The following NUTM1 variants were observed in gnomAD, a reference collection of about 807,000 sequenced individuals.
The protein encoded by NUTM1 is NUT midline carcinoma family member 1, also known as NUT family member 1.
Under a neutral mutation model 88.7 loss-of-function variants are expected in NUTM1, and 39 were observed. The observed-to-expected ratio is 0.44, with a 90% CI of 0.34 to 0.57. The LOEUF (loss-of-function observed/expected upper bound fraction) is 0.57, where lower values mean the gene tolerates loss of function less well. NUTM1 is among the 20% of genes least tolerant of loss of function. NUTM1 has a pLI of 0.01. For synonymous variants in NUTM1, 494 were observed against 538.0 expected (o/e 0.92, Z 1.13); for missense variants, 1,350 against 1,414.5 (o/e 0.95, Z 0.73).
In NUTM1 at chr15:34,349,836, C is replaced by T. The variant is rs547057881; in HGVS notation, c.810-868C>T. Among the ~76,000 whole-genome samples, 18 of 152,312 alleles carry T rather than the reference C, an allele frequency of 1.2e-4. No homozygotes were observed. The East Asian group carries it at 1.5e-3, about 13-fold the overall frequency. On this transcript the variant is annotated intron_variant, in intron 3 of 7. Coordinates refer to ENST00000537011, the MANE Select transcript of NUTM1 (RefSeq NM_001284292.2). The stretch of plus-strand genomic sequence containing the variant: ...GGCAGATCTGAGTTCGCTCTTGGAG[C>T]CTAGCAGGCTAAATTTCAAAATCTT...
At position 34,356,038 on chromosome 15, in the gene NUTM1, A is replaced by G. The variant is rs749204415; in HGVS notation, c.2030A>G (p.Gln677Arg). The G allele has an allele frequency of 6.2e-7, 1 of 1,614,156 alleles. No homozygotes were observed. The highest frequency in any genetic ancestry group is 8.5e-7 in the Non-Finnish European group (1 of 1,180,000). The change falls in exon 8 of 8, where the codon CAA (glutamine) becomes CGA (arginine). Residue 677 changes from glutamine to arginine, a missense_variant. By Grantham distance (43) the Gln-to-Arg change is conservative (BLOSUM62 1). Transcript: ENST00000537011. ...GCAGAGCTGGCTCCTCTGCAAGGAC[A>G]AGGGTTAGAAAAGCAAGTCCTGGGA... The part of the protein sequence containing the change: ...GLAELAPLQG[Q>R]GLEKQVLGLQ...
chr15:34,350,734 G>A lies in NUTM1; in HGVS notation c.840G>A (p.Lys280=). The change falls in exon 4 of 8, where the codon AAG becomes AAA. Residue 280 remains lysine, a synonymous_variant. Transcript: ENST00000537011. Reference sequence around the variant, plus strand: ...TGCTTCGTTCCCTGGCCCGGCTGAAGCCCACTATGACCCTGGAGGAGGGAC... The same window carrying A: ...TGCTTCGTTCCCTGGCCCGGCTGAAACCCACTATGACCCTGGAGGAGGGAC... ...IPVLRSLARL[K]PTMTLEEGLP... The A allele has an allele frequency of 1.2e-6, 2 of 1,613,256 alleles. No individual in the cohort carries two copies. The highest frequency in any genetic ancestry group is 1.7e-6 in the Non-Finnish European group (2 of 1,179,906).
At position 34,357,318 on chromosome 15, in the gene NUTM1, G is replaced by A; in HGVS notation, c.3310G>A (p.Ala1104Thr). The change falls in exon 8 of 8, where the codon GCT becomes ACT. Residue 1104 changes from alanine to threonine, a missense_variant. This residue lies in a region of NUTM1 where 730 missense variants were observed against 728.8 expected (regional missense o/e 1.00). Coordinates refer to ENST00000537011, the MANE Select transcript of NUTM1 (RefSeq NM_001284292.2). Reference sequence around the variant, plus strand: ...TCCTGTTGCCAAGTCTGGGAAGCGAGCTCTAGCTGGAGGTCCAGCCCCTAC... The same window carrying A: ...TCCTGTTGCCAAGTCTGGGAAGCGAACTCTAGCTGGAGGTCCAGCCCCTAC... Reference protein sequence around the residue: ...PYPVAKSGKRALAGGPAPTEK... With the variant: ...PYPVAKSGKRTLAGGPAPTEK... 2 of 1,614,132 alleles carry A rather than the reference G, an allele frequency of 1.2e-6. No homozygotes were observed. The highest frequency in any genetic ancestry group is 1.7e-6 in the Non-Finnish European group (2 of 1,180,032).
In NUTM1 at chr15:34,348,576, G is replaced by A; in HGVS notation, c.708G>A (p.Lys236=). 1.2e-6 allele frequency: 2 copies of A among 1,613,590 alleles called. No homozygotes were observed. Among genetic ancestry groups the A allele is most frequent in the Non-Finnish European group, 1.7e-6 (2 of 1,180,040 alleles). ...TAGGTGACCGCTCCAAAATTTCCAA[G>A]GACGTTTATGAGAACTTCCGTCAGT... ...PSLGDRSKIS[K]DVYENFRQWQ... The change falls in exon 3 of 8, where the codon AAG becomes AAA. Residue 236 remains lysine, a synonymous_variant. Transcript: ENST00000537011.
At position 34,343,367 on chromosome 15, in the gene NUTM1, A is replaced by G. The variant is rs1890521611; in HGVS notation, c.-330A>G. ...GAGGGGGGTAGGGATGGATGTGGAT[A>G]GAATATTGACGTATAGAAGCCTGTC... On this transcript the variant is annotated 5_prime_UTR_variant, in exon 1 of 8. In the 5' UTR this introduces an upstream ATG that the reference lacks. Coordinates refer to ENST00000537011, the MANE Select transcript of NUTM1 (RefSeq NM_001284292.2). The G allele has an allele frequency of 4.9e-6, 3 of 606,404 alleles. No individual in the cohort carries two copies. Among genetic ancestry groups the G allele is most frequent in the East Asian group, 5.6e-5 (2 of 35,982 alleles). 37.6% of individuals were successfully genotyped at this position (606,404 alleles called of 1,614,324 possible).
At chr15:34,344,619 T>C (rs549907808) in intron 1 of NUTM1, among the ~76,000 whole-genome samples, 1 of 152,212 alleles carries the variant, frequency 6.6e-6, no homozygotes, top group Non-Finnish European at 1.5e-5. Context: ...ATAGAGAACT[T>C]AGTTGCAGGA....
At position 34,348,056 on chromosome 15, in the gene NUTM1, C is replaced by G; in HGVS notation, c.188C>G (p.Ser63Cys). The change falls in exon 3 of 8, where the codon TCT (serine) becomes TGT (cysteine). Residue 63 changes from serine (S) to cysteine (C), a missense_variant. Coordinates refer to ENST00000537011, the MANE Select transcript of NUTM1 (RefSeq NM_001284292.2). ...SPALPFLPPT[S>C]DPPDHPPREP... ...GCACTTCCCTTTCTCCCACCAACTT[C>G]TGACCCACCAGACCACCCACCCAGG... 3.7e-6 allele frequency: 6 copies of G among 1,614,116 alleles called. No homozygotes were observed. The highest frequency in any genetic ancestry group is 5.1e-6 in the Non-Finnish European group (6 of 1,180,012).
rs1890840544 is a variant in NUTM1, at chr15:34,357,436, G to A, written c.3428G>A (p.Arg1143Lys). The change falls in exon 8 of 8, where the codon AGG (arginine) becomes AAG (lysine). Residue 1143 changes from arginine to lysine, a missense_variant. Coordinates refer to ENST00000537011, the MANE Select transcript of NUTM1 (RefSeq NM_001284292.2). ...GVVRPSQPRKRRCDSFVTGRR... is the reference protein window; with the variant it reads ...GVVRPSQPRKKRCDSFVTGRR... ...GTTCGACCCTCACAGCCTCGTAAAA[G>A]GCGGTGTGACAGTTTTGTCACGGGC... 6.2e-7 allele frequency: 1 copy of A among 1,613,340 alleles called. No individual in the cohort carries two copies. The highest frequency in any genetic ancestry group is 1.1e-5 in the South Asian group (1 of 91,030).
In NUTM1 at chr15:34,350,780, T is replaced by C; in HGVS notation, c.886T>C (p.Trp296Arg). 2 of 1,613,364 alleles carry C rather than the reference T, an allele frequency of 1.2e-6. No individual in the cohort carries two copies. The highest frequency in any genetic ancestry group is 8.5e-7 in the Non-Finnish European group (1 of 1,179,834). ...GGGACTGCCATTGGCTGTGCAGGAG[T>C]GGGAGCACACCAGCAACTTTGACCG... ...EEGLPLAVQE[W>R]EHTSNFDRMI... The change falls in exon 4 of 8, where the codon TGG (tryptophan) becomes CGG (arginine). Residue 296 changes from tryptophan (W) to arginine (R), a missense_variant. Trp to Arg is a moderately radical substitution (Grantham distance 101). Coordinates refer to ENST00000537011, the MANE Select transcript of NUTM1 (RefSeq NM_001284292.2).
chr15:34,348,746 G>A, intron 3 of NUTM1, 69 bp downstream of exon 3: 1 of 1,180,132 alleles, frequency 8.5e-7, no homozygotes, highest in Admixed American at 1.9e-5. Flanking sequence ...GGTGAACATA[G>A]TAGTTTAGGC....
At chr15:34,348,922 C>T (rs1387012090) in intron 3 of NUTM1, among the ~76,000 whole-genome samples, 1 of 152,216 alleles carries the variant, frequency 6.6e-6, no homozygotes, top group East Asian at 1.9e-4. Flanking sequence ...TTCAGGCAAG[C>T]CTTCCTCTGG....
chr15:34,356,666 T>C lies in NUTM1; in HGVS notation c.2658T>C (p.Leu886=). 6.2e-7 allele frequency: 1 copy of C among 1,613,788 alleles called. No individual in the cohort carries two copies. Among genetic ancestry groups the C allele is most frequent in the Admixed American group, 1.7e-5 (1 of 59,970 alleles). The change falls in exon 8 of 8, where the codon CTT becomes CTC. Residue 886 remains leucine (L), a synonymous_variant. Coordinates refer to ENST00000537011, the MANE Select transcript of NUTM1 (RefSeq NM_001284292.2). ...CACTGGGGTCTTCCAAAGAAACCCT[T>C]CCACCCACATGCCAAGGCAATCTCC... The part of the protein sequence containing the change: ...DSTLGSSKET[L]PPTCQGNLLI...
rs2140158293 is a variant in NUTM1, at chr15:34,353,585, A to G, written c.939-151A>G. 3.9e-6 allele frequency: 3 copies of G among 777,326 alleles called. No individual in the cohort carries two copies. The South Asian group carries it at 5.3e-5, about 14-fold the overall frequency. 48.2% of individuals were successfully genotyped at this position (777,326 alleles called of 1,614,324 possible). On this transcript the variant is annotated intron_variant, in intron 4 of 7. Coordinates refer to ENST00000537011, the MANE Select transcript of NUTM1 (RefSeq NM_001284292.2). ...GTTTCCCTGGAAATACGATTAAGCC[A>G]CCTGTGACCACCCTCCTGGGTGACA...
chr15:34,344,195 C>T (rs1313498816), intron 1 of NUTM1, among the ~76,000 whole-genome samples: 1 of 149,576 alleles, frequency 6.7e-6, no homozygotes, highest in Non-Finnish European at 1.5e-5. Context: ...GCACTCCAGC[C>T]TGGGTCCGTC....
In NUTM1 at chr15:34,355,095, A is replaced by G; in HGVS notation, c.1437A>G (p.Leu479=). ...SPEKQRDPLA[L]IEELEQEEGL... ...AAAAACAGAGAGATCCCTTGGCCTT[A>G]ATTGAGGAGCTAGAGCAAGAAGAAG... The change falls in exon 7 of 8, where the codon TTA becomes TTG. Residue 479 remains leucine, a synonymous_variant. Transcript: ENST00000537011. The surrounding 1 kb of genome is among the most constrained non-coding windows in gnomAD (Gnocchi z 4.3). The G allele has an allele frequency of 6.2e-7, 1 of 1,613,848 alleles. No individual in the cohort carries two copies. Among genetic ancestry groups the G allele is most frequent in the Non-Finnish European group, 8.5e-7 (1 of 1,179,774 alleles).
Position 34,348,478 on chromosome 15 carries a change from G to A in NUTM1, c.610G>A (p.Glu204Lys), listed in dbSNP as rs1483645886. The A allele has an allele frequency of 1.2e-6, 2 of 1,614,028 alleles. No individual in the cohort carries two copies. Among genetic ancestry groups the A allele is most frequent in the Non-Finnish European group, 1.7e-6 (2 of 1,179,988 alleles). Residue 204 changes from glutamate to lysine, a missense_variant, in exon 3 of 8, where the codon GAA becomes AAA. Physicochemically the swap from Glu to Lys is moderately conservative, Grantham distance 56 (BLOSUM62 1). Transcript: ENST00000537011. ...TCAACTGGTCCCCATTGTGCCCCTG[G>A]AAAAAGCTTGGCCAGGGCCACATGG... The part of the protein sequence containing the change: ...VAQLVPIVPL[E>K]KAWPGPHGTT...
chr15:34,353,076 G>A (rs530431166), intron 4 of NUTM1, among the ~76,000 whole-genome samples: 18 of 151,662 alleles, frequency 1.2e-4, no homozygotes, highest in African/African-American at 4.1e-4. Flanking sequence ...TAGTAGAGAC[G>A]GGGTTTCACT....
chr15:34,355,297 G>A lies in NUTM1; in HGVS notation c.1479+160G>A, dbSNP rs537309302. On this transcript the variant is annotated intron_variant, in intron 7 of 7. Coordinates refer to ENST00000537011, the MANE Select transcript of NUTM1 (RefSeq NM_001284292.2). This position sits in a 1 kb window ranked among gnomAD's most constrained non-coding sequence, Gnocchi z 4.3. ...AGGGCTATGGAAACACAGGAAATGA[G>A]AATGTAAGGGCTCAAAGCATGGGAA... Among the ~76,000 whole-genome samples, 1 of 152,174 alleles carries A rather than the reference G, an allele frequency of 6.6e-6. No homozygotes were observed. Among genetic ancestry groups the A allele is most frequent in the Non-Finnish European group, 1.5e-5 (1 of 68,038 alleles).
In NUTM1 at chr15:34,354,481, G is replaced by GC. The variant is rs756300195; in HGVS notation, c.1117dup (p.Arg373ProfsTer6). 6 of 1,613,952 alleles carry GC rather than the reference G, an allele frequency of 3.7e-6. No individual in the cohort carries two copies. The highest frequency in any genetic ancestry group is 3.3e-5 in the Admixed American group (2 of 59,996). ...GAAGAAGGCAGCCTCCAAGACACGG[G>GC]CCCCCCGCCGGCGTCAGCGTAAAGC... is the stretch of plus-strand genomic sequence containing the variant. On this transcript the variant is annotated frameshift_variant, in exon 6 of 8. Coordinates refer to ENST00000537011, the MANE Select transcript of NUTM1 (RefSeq NM_001284292.2). LOFTEE classifies it high-confidence loss of function.
Sources: allele counts gnomAD v4.1 joint callset (sites outside exome capture counted in the v4.1 genomes callset), GRCh38; gene constraint gnomAD v4.1.1; regional missense constraint gnomAD v4.1.1; non-coding constraint Gnocchi (gnomAD v3.1); transcripts MANE v1.5; gene names NCBI Gene and HGNC (gene_info 2026-07-23, HGNC 2026-07-21).